Variants in UIMC1 observed in about 807,000 individuals in gnomAD.
UIMC1 encodes BRCA1-A complex subunit RAP80.
Under a neutral mutation model 84.9 loss-of-function variants are expected in UIMC1, and 42 were observed. The ratio of observed to expected loss-of-function variants is 0.49; its 90% CI spans 0.39 to 0.64. The LOEUF is 0.64. Ranked by LOEUF, UIMC1 falls within the 30% of genes least tolerant of loss-of-function variation. The probability of loss-of-function intolerance (pLI) is 0.00; values close to 1 mark genes in which losing one functional copy is unlikely to be tolerated. For synonymous variants in UIMC1, 281 were observed against 293.0 expected (o/e 0.96, Z 0.42); for missense variants, 825 against 847.6 (o/e 0.97, Z 0.33).
At position 176,953,639 on chromosome 5, in the gene UIMC1, T is replaced by A. The variant is rs1478514591; in HGVS notation, c.1340-2062A>T. The stretch of plus-strand genomic sequence containing the variant: ...ATATTTAAAAGTAAGAACCATTCAC[T>A]GCTTAGATTACTGCAATAATAAAAA... On this transcript the variant is annotated intron_variant, in intron 8 of 14. Transcript: ENST00000511320. Among the ~76,000 whole-genome samples the A allele has an allele frequency of 9.9e-5, 15 of 152,168 alleles. 1 individual carries two copies.
chr5:176,975,553 C>T (rs1453960124), intron 2 of UIMC1, 73 bp from the exon 3 acceptor site: 7 of 1,480,872 alleles, frequency 4.7e-6, no homozygotes, highest in African/African-American at 1.4e-5. Context: ...TCTACCTCCC[C>T]TATGGCTAAG....
At chr5:176,917,098 G>C (rs1761072508) in intron 10 of UIMC1, among the ~76,000 whole-genome samples, 1 of 152,184 alleles carries the variant, frequency 6.6e-6, no homozygotes, top group Non-Finnish European at 1.5e-5. Context: ...ATAATGGGAA[G>C]CCACAGAGTT....
intron 1 of UIMC1, among the ~76,000 whole-genome samples, chr5:176,988,576 T>G (rs1772364558): frequency 1.3e-5 from 2 of 152,070 alleles, no homozygotes; most frequent in Admixed American, 6.6e-5. Context: ...ATGATAGAAA[T>G]GTTCTGGAAT....
chr5:176,975,713 T>C (rs1302881151), intron 2 of UIMC1, among the ~76,000 whole-genome samples: 1 of 152,238 alleles, frequency 6.6e-6, no homozygotes, highest in Non-Finnish European at 1.5e-5. Flanking sequence ...ATCTGTCATA[T>C]AAACAGTCAG....
chr5:176,995,284 C>A lies in UIMC1; in HGVS notation c.-9+11366G>T, dbSNP rs372539145. Among the ~76,000 whole-genome samples the A allele has an allele frequency of 7.2e-5, 11 of 152,018 alleles. No homozygotes were observed. In the East Asian group the frequency reaches 1.7e-3, roughly 24 times the overall value. On this transcript the variant is annotated intron_variant, in intron 1 of 14. Coordinates refer to ENST00000511320, the MANE Select transcript of UIMC1 (RefSeq NM_001199298.2). ...AACTTGTGGGCTGGGCATGGTGGCT[C>A]ACACTTGTAATCCCAGCACTTTGGG...
chr5:177,003,617 C>A (rs1220526616), intron 1 of UIMC1, among the ~76,000 whole-genome samples: 1 of 152,158 alleles, frequency 6.6e-6, no homozygotes, highest in Non-Finnish European at 1.5e-5. Context: ...TGCGCCACTG[C>A]ACTCCAGCTT....
intron 10 of UIMC1, among the ~76,000 whole-genome samples, chr5:176,915,793 C>CAAAAAAAAAAAAAAAAAA (rs58297107): frequency 2.6e-4 from 11 of 42,636 alleles, no homozygotes; most frequent in East Asian, 9.7e-4. Context: ...GGTCACAAAG[C>CAAAAAAAAAAAAAAAAAA]AAAAAAAAAA....
intron 11 of UIMC1, among the ~76,000 whole-genome samples, chr5:176,909,457 TAGGA>T (rs1168685362): frequency 6.6e-6 from 1 of 152,170 alleles, no homozygotes; most frequent in African/African-American, 2.4e-5. Context: ...TCAGCTCCAT[TAGGA>T]AGGAACTAGT....
rs754318808 is a variant in UIMC1, at chr5:176,959,572, CG to C, written c.1201-1419del. Among the ~76,000 whole-genome samples the C allele has an allele frequency of 6.1e-4, 93 of 151,724 alleles. 1 individual carries two copies. Among genetic ancestry groups the C allele is most frequent in the Non-Finnish European group, 7.7e-4 (52 of 67,938 alleles). ...TCTACTAAAAATACAAAAAATTAGC[CG>C]GGCGTAGTGGCAGGCGCCTGTAGTC... On this transcript the variant is annotated intron_variant, in intron 6 of 14. Coordinates refer to ENST00000511320, the MANE Select transcript of UIMC1 (RefSeq NM_001199298.2).
chr5:176,997,788 C>A (rs1215325659), intron 1 of UIMC1, among the ~76,000 whole-genome samples: 1 of 148,704 alleles, frequency 6.7e-6, no homozygotes, highest in Non-Finnish European at 1.5e-5. Flanking sequence ...CCCGTATTAT[C>A]TGCCCTCCTG....
At chr5:176,980,562 A>C (rs1561873738) in intron 2 of UIMC1, among the ~76,000 whole-genome samples, 1 of 152,176 alleles carries the variant, frequency 6.6e-6, no homozygotes, top group Non-Finnish European at 1.5e-5. Context: ...AAAAATGAAA[A>C]AGAAATTATT....
At chr5:176,984,571 G>A (rs897985925) in intron 1 of UIMC1, among the ~76,000 whole-genome samples, 11 of 152,060 alleles carry the variant, frequency 7.2e-5, no homozygotes, top group African/African-American at 2.7e-4. Flanking sequence ...CCCCATCTGG[G>A]AGGTGTACCC....
intron 10 of UIMC1, among the ~76,000 whole-genome samples, chr5:176,931,426 G>A (rs1763066957): frequency 6.6e-6 from 1 of 152,164 alleles, no homozygotes; most frequent in Admixed American, 6.5e-5. Context: ...AAGCACATCT[G>A]GCAGAAGAAA....
At chr5:176,967,569 A>G (rs1056963891) in intron 6 of UIMC1, among the ~76,000 whole-genome samples, 1 of 152,162 alleles carries the variant, frequency 6.6e-6, no homozygotes, top group African/African-American at 2.4e-5. Context: ...AGCCATGTGA[A>G]TATTGTTACC....
chr5:177,012,232 T>C (rs1394645738), intron 1 of UIMC1, among the ~76,000 whole-genome samples: 2 of 152,182 alleles, frequency 1.3e-5, no homozygotes, highest in East Asian at 1.9e-4. Flanking sequence ...ACCCAGAACA[T>C]TCACAACCAA....
chr5:176,989,708 G>T (rs1326604607), intron 1 of UIMC1, among the ~76,000 whole-genome samples: 1 of 151,400 alleles, frequency 6.6e-6, no homozygotes, highest in Non-Finnish European at 1.5e-5. Flanking sequence ...ACAGTTAACA[G>T]AATATTTATT....
chr5:176,940,389 T>C (rs1764261629), intron 10 of UIMC1, among the ~76,000 whole-genome samples: 1 of 152,166 alleles, frequency 6.6e-6, no homozygotes. Flanking sequence ...GGTCATATAT[T>C]CCTAGAGCTC....
At chr5:176,992,720 C>A (rs936748608) in intron 1 of UIMC1, among the ~76,000 whole-genome samples, 49 of 151,938 alleles carry the variant, frequency 3.2e-4, no homozygotes, top group African/African-American at 1.2e-3. Context: ...GTGGAAGAAT[C>A]ACCTGAACCA....
chr5:176,918,734 T>A (rs926576122), intron 10 of UIMC1, among the ~76,000 whole-genome samples: 1 of 152,214 alleles, frequency 6.6e-6, no homozygotes, highest in African/African-American at 2.4e-5. Flanking sequence ...TATCTTCGCA[T>A]TCCTTCTTGC....
Sources: allele counts gnomAD v4.1 joint callset (sites outside exome capture counted in the v4.1 genomes callset), GRCh38; gene constraint gnomAD v4.1.1; transcripts MANE v1.5; gene names NCBI Gene and HGNC (gene_info 2026-07-23, HGNC 2026-07-21).